SPTAN1: variants seen among roughly 807,000 people sequenced by gnomAD.
SPTAN1 encodes the protein spectrin alpha chain, non-erythrocytic 1.
A neutral mutation model predicts 331.3 loss-of-function variants in SPTAN1; 61 were observed. The ratio of observed to expected loss-of-function variants is 0.18; its 90% confidence interval spans 0.15 to 0.23. The LOEUF (loss-of-function observed/expected upper bound fraction) is 0.23, where lower values mean the gene tolerates loss of function less well. SPTAN1 is among the 10% of genes least tolerant of loss of function. The pLI, the probability that SPTAN1 is intolerant of heterozygous loss-of-function variation, is 1.00. For missense variants in SPTAN1, 2,043 were observed against 3,147.9 expected (o/e 0.65, Z 8.40); for synonymous variants, 1,153 against 1,173.9 (o/e 0.98, Z 0.36).
intron 27 of SPTAN1, among the ~76,000 whole-genome samples, chr9:128,602,836 A>T (rs1167703127): frequency 6.6e-6 from 1 of 151,552 alleles, no homozygotes; most frequent in Non-Finnish European, 1.5e-5. Context: ...GGGTTTCACC[A>T]TGTTGGTCAG....
intron 41 of SPTAN1, among the ~76,000 whole-genome samples, chr9:128,616,430 G>C (rs1304381264): frequency 6.6e-6 from 1 of 151,310 alleles, no homozygotes; most frequent in Non-Finnish European, 1.5e-5. Flanking sequence ...TGGTCGGAAG[G>C]CTTTAAGGAA....
chr9:128,603,713 G>A, intron 28 of SPTAN1, 123 bp downstream of exon 28: 1 of 1,225,646 alleles, frequency 8.2e-7, no homozygotes, highest in Non-Finnish European at 1.2e-6. Context: ...CACTCTATTG[G>A]GTCCAAGCAT....
At chr9:128,555,263 A>AT in intron 1 of SPTAN1, 1 of 989,382 alleles carries the variant, frequency 1.0e-6, no homozygotes, top group Non-Finnish European at 1.4e-6. Context: ...CTGTATTCAT[A>AT]TTTTTTAAAT....
Position 128,633,217 on chromosome 9 carries a change from C to T in SPTAN1, c.7317C>T (p.Thr2439=), listed in dbSNP as rs1860112549. 1 of 1,613,864 alleles carries T rather than the reference C, an allele frequency of 6.2e-7. No individual in the cohort carries two copies. The highest frequency in any genetic ancestry group is 8.5e-7 in the Non-Finnish European group (1 of 1,180,030). ...VTKEELYQNL[T]REQADYCVSH... is the part of the protein sequence containing the mutation. ...CATCTCTTACCCCACAGAACCTGAC[C>T]CGGGAACAAGCCGACTACTGCGTCT... Residue 2439 remains threonine (T), a synonymous_variant, in exon 57 of 57, where the codon ACC becomes ACT. Transcript: ENST00000372739.
chr9:128,597,715 T>A (rs1270418763), intron 24 of SPTAN1, among the ~76,000 whole-genome samples: 1 of 152,144 alleles, frequency 6.6e-6, no homozygotes, highest in Non-Finnish European at 1.5e-5. Flanking sequence ...GTGGCACGAT[T>A]TTGGCTCACT....
Position 128,583,729 on chromosome 9 carries a change from C to A in SPTAN1, c.2012-59C>A. 1.9e-6 allele frequency: 3 copies of A among 1,558,280 alleles called. No homozygotes were observed. In the South Asian group the frequency reaches 3.3e-5, roughly 17 times the overall value. ...TCACTAAGATACTACTGTTCATGGG[C>A]AGTGTTGGCAGAAGGGTAATGCTAA... On this transcript the variant is annotated intron_variant, in intron 15 of 56. Coordinates refer to ENST00000372739, the MANE Select transcript of SPTAN1 (RefSeq NM_001130438.3).
chr9:128,582,414 T>C, intron 12 of SPTAN1, 65 bp from the exon 13 acceptor site: 2 of 1,447,116 alleles, frequency 1.4e-6, no homozygotes, highest in Non-Finnish European at 1.9e-6. Context: ...GCAGTTACTT[T>C]TCTCCAGAGG....
intron 37 of SPTAN1, among the ~76,000 whole-genome samples, chr9:128,610,525 A>C (rs760494676): frequency 3.6e-4 from 55 of 151,712 alleles, no homozygotes; most frequent in Non-Finnish European, 7.4e-4. Flanking sequence ...GAAACATTTG[A>C]TGCAGAATTC....
chr9:128,625,309 G>T lies in SPTAN1; in HGVS notation c.6069+130G>T, dbSNP rs1487530308. The T allele has an allele frequency of 6.4e-6, 6 of 936,522 alleles. No individual in the cohort carries two copies. The highest frequency in any genetic ancestry group is 1.0e-5 in the Non-Finnish European group (6 of 593,398). 58.0% of individuals were successfully genotyped at this position (936,522 alleles called of 1,614,324 possible). A position where few individuals can be genotyped will look rare whatever the true frequency, so the allele number is the denominator to read the frequency against. On this transcript the variant is annotated intron_variant, in intron 47 of 56. Transcript: ENST00000372739. This position sits in a 1 kb window ranked among gnomAD's most constrained non-coding sequence, Gnocchi z 4.1. ...ATCAGCAGGAAAAAGATCCTGTCCTGGTCCTCAGGGAGCTTCCAGACTAAC... is the reference window on the plus strand; with the variant it reads ...ATCAGCAGGAAAAAGATCCTGTCCTTGTCCTCAGGGAGCTTCCAGACTAAC...
chr9:128,569,989 CTAA>C (rs1206541720), intron 3 of SPTAN1, among the ~76,000 whole-genome samples: 1 of 152,146 alleles, frequency 6.6e-6, no homozygotes, highest in African/African-American at 2.4e-5. Context: ...TGTCATATGA[CTAA>C]TAACATTTAA....
At chr9:128,571,449 G>C (rs1850721574) in intron 3 of SPTAN1, among the ~76,000 whole-genome samples, 1 of 152,156 alleles carries the variant, frequency 6.6e-6, no homozygotes, top group Non-Finnish European at 1.5e-5. Flanking sequence ...GCCAAGCGTG[G>C]TGTTGCGTGC....
chr9:128,619,219 G>C (rs1011188991), intron 44 of SPTAN1, among the ~76,000 whole-genome samples: 1 of 152,184 alleles, frequency 6.6e-6, no homozygotes, highest in African/African-American at 2.4e-5. Flanking sequence ...GTCAGTCTCA[G>C]TTCACGGGCC....
At chr9:128,597,085 G>A (rs760754037) in intron 24 of SPTAN1, among the ~76,000 whole-genome samples, 5 of 152,162 alleles carry the variant, frequency 3.3e-5, no homozygotes, top group African/African-American at 7.2e-5. Flanking sequence ...GCTTGAACCC[G>A]GGAGGCGGAG....
At chr9:128,614,221 GAGGCAGGC>G (rs1310817935) in intron 40 of SPTAN1, among the ~76,000 whole-genome samples, 1 of 152,094 alleles carries the variant, frequency 6.6e-6, no homozygotes, top group Non-Finnish European at 1.5e-5. Flanking sequence ...TTGGGAGGCC[GAGGCAGGC>G]AGATCATGTG....
Position 128,591,488 on chromosome 9 carries a change from A to G in SPTAN1, c.3018A>G (p.Lys1006=), listed in dbSNP as rs1853516847. The G allele has an allele frequency of 1.9e-6, 3 of 1,613,982 alleles. No individual in the cohort carries two copies. The highest frequency in any genetic ancestry group is 2.7e-5 in the African/African-American group (2 of 74,872). ...TCTTTTTTCCTTAGGATTGGTGGAAAGTGGAAGTGAACGATCGTCAGGGTT... is the reference window on the plus strand; with the variant it reads ...TCTTTTTTCCTTAGGATTGGTGGAAGGTGGAAGTGAACGATCGTCAGGGTT... ...LLNSTNKDWW[K]VEVNDRQGFV... is the part of the protein sequence containing the mutation. Residue 1006 remains lysine (K), a synonymous_variant, in exon 22 of 57, where the codon AAA becomes AAG. Transcript: ENST00000372739.
intron 24 of SPTAN1, 34 bp from the exon 25 acceptor site, chr9:128,598,366 T>C (rs1231596506): frequency 1.3e-6 from 2 of 1,559,202 alleles, no homozygotes; most frequent in Non-Finnish European, 1.8e-6. Context: ...GCTTGCTATT[T>C]TGGGTTTTAG....
Position 128,598,943 on chromosome 9 carries a change from G to A in SPTAN1, c.3520-20G>A, listed in dbSNP as rs1854678465. 1.9e-6 allele frequency: 3 copies of A among 1,612,200 alleles called. No homozygotes were observed. Among genetic ancestry groups the A allele is most frequent in the African/African-American group, 2.7e-5 (2 of 74,976 alleles). On this transcript the variant is annotated intron_variant, in intron 25 of 56. Transcript: ENST00000372739. The stretch of plus-strand genomic sequence containing the variant: ...TGTATTTCTTCTAATAATAAAACTG[G>A]TTTCTCTCTCTCCTTGTAGGAAGTG...
In SPTAN1 at chr9:128,632,619, A is replaced by G. The variant is rs768911375; in HGVS notation, c.7061A>G (p.Lys2354Arg). ...GGCAGGCTGAACCATCAGGAGTTCA[A>G]ATCTTGCCTGCGCTCCCTGGGCTAT... ...KSGRLNHQEF[K>R]SCLRSLGYDL... The change falls in exon 55 of 57, where the codon AAA becomes AGA. Residue 2354 changes from lysine (K) to arginine (R), a missense_variant. Lys to Arg is a conservative substitution (Grantham distance 26). Around this residue, in one of 12 missense-constraint regions of SPTAN1, gnomAD observed 58 missense variants for 74.0 expected, o/e 0.78. Coordinates refer to ENST00000372739, the MANE Select transcript of SPTAN1 (RefSeq NM_001130438.3). 1.2e-6 allele frequency: 2 copies of G among 1,614,094 alleles called. No homozygotes were observed. The highest frequency in any genetic ancestry group is 1.7e-6 in the Non-Finnish European group (2 of 1,180,036).
intron 24 of SPTAN1, among the ~76,000 whole-genome samples, chr9:128,594,804 C>CTTTTTTTTTTTTTTTTTTTTAT (rs10594067): frequency 3.3e-5 from 3 of 90,560 alleles, no homozygotes; most frequent in Non-Finnish European, 6.6e-5. Flanking sequence ...ATGTATGTAG[C>CTTTTTTTTTTTTTTTTTTTTAT]TTTTTTTTTT....
Sources: gnomAD v4.1 joint callset for allele counts (sites outside exome capture counted in the v4.1 genomes callset) on GRCh38, gnomAD v4.1.1 for gene constraint, gnomAD v4.1.1 regional missense constraint, Gnocchi (gnomAD v3.1) non-coding constraint, MANE v1.5 for transcripts, NCBI Gene and HGNC (gene_info 2026-07-23, HGNC 2026-07-21) for gene names.